Variants in KCNH1 observed in about 807,000 individuals in gnomAD.
KCNH1 encodes voltage-gated delayed rectifier potassium channel KCNH1.
A neutral mutation model predicts 69.2 loss-of-function variants in KCNH1; 27 were observed. That is an observed-to-expected ratio of 0.39 (90% CI 0.29 to 0.54). KCNH1 has a LOEUF of 0.54. Among genes scored for constraint, KCNH1 ranks in the 20% least tolerant of loss-of-function variants. The pLI is 0.68. For synonymous variants in KCNH1, 456 were observed against 487.7 expected (o/e 0.93, Z 0.86); for missense variants, 798 against 1,261.6 (o/e 0.63, Z 5.57).
At chr1:211,074,913 T>G (rs1690706361) in intron 5 of KCNH1, among the ~76,000 whole-genome samples, 1 of 152,184 alleles carries the variant, frequency 6.6e-6, no homozygotes, top group African/African-American at 2.4e-5. Flanking sequence ...CACAATCACA[T>G]AAGCCAATTC....
chr1:211,040,806 C>T (rs892040348), intron 5 of KCNH1, among the ~76,000 whole-genome samples: 7 of 152,172 alleles, frequency 4.6e-5, no homozygotes, highest in Non-Finnish European at 8.8e-5. Context: ...CAGAGAGAGA[C>T]TCCTGCATCC....
chr1:211,016,908 C>CAAAAAAGA (rs1689502281), intron 6 of KCNH1, among the ~76,000 whole-genome samples: 1 of 90,742 alleles, frequency 1.1e-5, no homozygotes, highest in East Asian at 3.6e-4. Flanking sequence ...GACTCTGTCT[C>CAAAAAAGA]AAAAAAAAAA....
chr1:210,890,699 A>T (rs569038564), intron 7 of KCNH1, among the ~76,000 whole-genome samples: 13 of 147,586 alleles, frequency 8.8e-5, no homozygotes, highest in Non-Finnish European at 1.6e-4. Context: ...AATTGACAAG[A>T]AAAAAAAAAC....
intron 7 of KCNH1, among the ~76,000 whole-genome samples, chr1:210,828,704 G>A (rs1459225108): frequency 6.6e-6 from 1 of 152,184 alleles, no homozygotes; most frequent in Non-Finnish European, 1.5e-5. Flanking sequence ...GTAAGTTGTT[G>A]ATGACTAGGT....
chr1:210,843,544 T>C (rs1266150111), intron 7 of KCNH1, among the ~76,000 whole-genome samples: 1 of 152,102 alleles, frequency 6.6e-6, no homozygotes, highest in Non-Finnish European at 1.5e-5. Flanking sequence ...TGAAATCAAA[T>C]CTCTCAACAC....
intron 1 of KCNH1, among the ~76,000 whole-genome samples, chr1:211,131,476 A>G (rs1248994770): frequency 6.6e-6 from 1 of 152,178 alleles, no homozygotes; most frequent in Non-Finnish European, 1.5e-5. Flanking sequence ...TAAAAGAGGA[A>G]CATTAATACT....
At chr1:210,732,306 A>G (rs369178821) in intron 10 of KCNH1, among the ~76,000 whole-genome samples, 59 of 152,174 alleles carry the variant, frequency 3.9e-4, no homozygotes, top group African/African-American at 1.4e-3. Flanking sequence ...TAAGTGGCCC[A>G]CGGTGAGATC....
chr1:211,107,436 T>A, intron 1 of KCNH1, 59 bp from the exon 2 acceptor site: 1 of 1,512,184 alleles, frequency 6.6e-7, no homozygotes. Flanking sequence ...TAGTTGAGAT[T>A]CAATGAGGAC....
intron 9 of KCNH1, among the ~76,000 whole-genome samples, chr1:210,783,910 C>A (rs1684041616): frequency 6.6e-6 from 1 of 152,212 alleles, no homozygotes; most frequent in Non-Finnish European, 1.5e-5. Flanking sequence ...GAGGTATATA[C>A]AAAGGTGCTT....
chr1:210,894,596 C>T (rs1268149096), intron 7 of KCNH1, among the ~76,000 whole-genome samples: 1 of 152,124 alleles, frequency 6.6e-6, no homozygotes, highest in Non-Finnish European at 1.5e-5. Flanking sequence ...CTGAATATGT[C>T]CCTCAAAAGT....
At chr1:211,077,228 G>A (rs1193713888) in intron 5 of KCNH1, among the ~76,000 whole-genome samples, 1 of 152,120 alleles carries the variant, frequency 6.6e-6, no homozygotes, top group Non-Finnish European at 1.5e-5. Flanking sequence ...TAGCGAGACA[G>A]GCCAACATTC....
intron 10 of KCNH1, among the ~76,000 whole-genome samples, chr1:210,714,642 T>A (rs1406933904): frequency 6.6e-6 from 1 of 152,174 alleles, no homozygotes; most frequent in African/African-American, 2.4e-5. Flanking sequence ...AGGTAACCCA[T>A]GGCGCTTGTG....
intron 7 of KCNH1, among the ~76,000 whole-genome samples, chr1:210,814,059 A>G (rs1684766255): frequency 6.6e-6 from 1 of 152,160 alleles, no homozygotes; most frequent in African/African-American, 2.4e-5. Flanking sequence ...AGTCTCAGGT[A>G]TGTCTTTATT....
chr1:210,868,779 A>C (rs1348114726), intron 7 of KCNH1, among the ~76,000 whole-genome samples: 3 of 152,010 alleles, frequency 2.0e-5, no homozygotes, highest in Admixed American at 6.6e-5. Context: ...CCTTTCTATA[A>C]TTTGGTCATT....
chr1:211,093,714 T>G (rs1387472839), intron 3 of KCNH1, among the ~76,000 whole-genome samples: 1 of 152,206 alleles, frequency 6.6e-6, no homozygotes, highest in Non-Finnish European at 1.5e-5. Flanking sequence ...ATATGGGGGC[T>G]TTTTGAGGGA....
chr1:210,902,587 C>A (rs1045662765), intron 7 of KCNH1, among the ~76,000 whole-genome samples: 50 of 152,216 alleles, frequency 3.3e-4, no homozygotes, highest in Non-Finnish European at 5.9e-5. Flanking sequence ...ACCCACAGAC[C>A]CGCCATATGG....
chr1:210,908,123 C>T (rs1316732362), intron 7 of KCNH1, among the ~76,000 whole-genome samples: 1 of 152,182 alleles, frequency 6.6e-6, no homozygotes, highest in African/African-American at 2.4e-5. Flanking sequence ...CAAGGTTCTT[C>T]TTAATCTCAA....
At chr1:210,982,154 T>G (rs1688722555) in intron 6 of KCNH1, among the ~76,000 whole-genome samples, 1 of 152,006 alleles carries the variant, frequency 6.6e-6, no homozygotes, top group Non-Finnish European at 1.5e-5. Context: ...CATAAAATTT[T>G]CAACATCCAC....
chr1:210,949,447 A>AC (rs1420728629), intron 6 of KCNH1, among the ~76,000 whole-genome samples: 4 of 152,124 alleles, frequency 2.6e-5, no homozygotes, highest in African/African-American at 9.7e-5. Flanking sequence ...CAAAGAGATT[A>AC]CCCCTTTGCT....
Sources: gnomAD v4.1 joint callset for allele counts (sites outside exome capture counted in the v4.1 genomes callset) on GRCh38, gnomAD v4.1.1 for gene constraint, MANE v1.5 for transcripts, NCBI Gene and HGNC (gene_info 2026-07-23, HGNC 2026-07-21) for gene names.